PRKDC: variants seen among roughly 807,000 people sequenced by gnomAD.
PRKDC encodes the protein DNA-dependent protein kinase catalytic subunit.
Under a neutral mutation model 486.9 loss-of-function variants are expected in PRKDC, and 82 were observed. The observed-to-expected ratio is 0.17, with a 90% CI of 0.14 to 0.20. The LOEUF is 0.20. Ranked by LOEUF, PRKDC falls within the 10% of genes least tolerant of loss-of-function variation. PRKDC has a pLI of 1.00. For missense variants in PRKDC, 4,504 were observed against 5,038.2 expected, an observed-to-expected ratio of 0.89 and a Z score of 3.21; for synonymous variants, 1,895 against 1,837.0, an observed-to-expected ratio of 1.03 and a Z score of -0.81.
intron 35 of PRKDC, among the ~76,000 whole-genome samples, chr8:47,886,790 C>T (rs2089343141): frequency 9.2e-5 from 14 of 152,070 alleles, no homozygotes; most frequent in Admixed American, 9.2e-4. Context: ...TGGGCTCAAG[C>T]GATCTTCCCA....
At chr8:47,933,218 T>C (rs1003775200) in intron 15 of PRKDC, 46 bp from the exon 16 acceptor site, 1 of 1,387,908 alleles carries the variant, frequency 7.2e-7, no homozygotes, top group Non-Finnish European at 9.6e-7. Flanking sequence ...TGTGCAAAAA[T>C]GTATTAGTAT....
Position 47,779,345 on chromosome 8 carries a change from C to T in PRKDC, c.11490-252G>A, listed in dbSNP as rs41390145. 1,807 of 351,802 alleles carry T rather than the reference C, an allele frequency of 5.1e-3. 33 individuals carry two copies. The highest frequency in any genetic ancestry group is 0.034 in the African/African-American group (1,606 of 46,856). The allele number at this position is 351,802 out of a possible 1,614,324, so 21.8% of individuals were successfully genotyped here. ...CCTATGAAAAATTCAGGTACAAAACCATCAGATCCAACAAATTTCCCACTG... is the reference window on the plus strand; with the variant it reads ...CCTATGAAAAATTCAGGTACAAAACTATCAGATCCAACAAATTTCCCACTG... On this transcript the variant is annotated intron_variant, in intron 80 of 85. Transcript: ENST00000314191.
At position 47,897,148 on chromosome 8, in the gene PRKDC, C is replaced by G. The variant is rs762739383; in HGVS notation, c.3598+13G>C. On this transcript the variant is annotated intron_variant, in intron 30 of 85. Coordinates refer to ENST00000314191, the MANE Select transcript of PRKDC (RefSeq NM_006904.7). ...GCACCGTGGTGAAATTAAAGATATACAGATTACCATACCTGGCAATAAAGG... is the reference window on the plus strand; with the variant it reads ...GCACCGTGGTGAAATTAAAGATATAGAGATTACCATACCTGGCAATAAAGG... 2 of 1,578,176 alleles carry G rather than the reference C, an allele frequency of 1.3e-6. No individual in the cohort carries two copies. Among genetic ancestry groups the G allele is most frequent in the East Asian group, 4.5e-5 (2 of 44,068 alleles).
rs776961357 is a variant in PRKDC at position 47,953,609 on chromosome 8, C to T, written c.721+11G>A. 3.1e-6 allele frequency: 5 copies of T among 1,605,636 alleles called. No individual in the cohort carries two copies. The highest frequency in any genetic ancestry group is 1.7e-5 in the Admixed American group (1 of 59,198). On this transcript the variant is annotated intron_variant, in intron 7 of 85. Transcript: ENST00000314191. ...TTTGAATAAAGAAAATCAAGTGAAG[C>T]CAAGCAATACCTTCTTCCATGGACT...
intron 24 of PRKDC, among the ~76,000 whole-genome samples, chr8:47,913,669 A>C (rs1409213906): frequency 6.6e-6 from 1 of 152,228 alleles, no homozygotes; most frequent in Non-Finnish European, 1.5e-5. Context: ...CTGGGATTAC[A>C]GGCATGAGCC....
rs2089504205 is a variant in PRKDC at position 47,893,285 on chromosome 8, C to A, written c.3701G>T (p.Gly1234Val). The A allele has an allele frequency of 5.0e-6, 8 of 1,610,482 alleles. No individual in the cohort carries two copies. Among genetic ancestry groups the A allele is most frequent in the Non-Finnish European group, 6.8e-6 (8 of 1,177,794 alleles). ...FEGGGCGQPS[G>V]ILAQPTLLYL... Reference sequence around the variant, plus strand: ...CAAGAGGGTGGGCTGGGCCAGGATGCCCGAGGGCTGGCCACAGCCACCCCC... The same window carrying A: ...CAAGAGGGTGGGCTGGGCCAGGATGACCGAGGGCTGGCCACAGCCACCCCC... The change falls in exon 31 of 86, where the codon GGC (glycine) becomes GTC (valine). Residue 1234 changes from glycine to valine, a missense_variant. Physicochemically the swap from Gly to Val is moderately radical, Grantham distance 109. Coordinates refer to ENST00000314191, the MANE Select transcript of PRKDC (RefSeq NM_006904.7).
chr8:47,879,782 A>G (rs978239059), intron 38 of PRKDC, 124 bp from the exon 39 acceptor site: 4 of 726,016 alleles, frequency 5.5e-6, no homozygotes, highest in Non-Finnish European at 8.0e-6. Context: ...TGGCTTCACC[A>G]TAATTTCTAA....
chr8:47,849,020 T>C, intron 54 of PRKDC, 134 bp downstream of exon 54: 21 of 1,206,312 alleles, frequency 1.7e-5, no homozygotes, highest in Non-Finnish European at 2.3e-5. Context: ...GCCTTCACCT[T>C]TTCTTCAGAG....
intron 27 of PRKDC, among the ~76,000 whole-genome samples, chr8:47,902,001 A>G (rs1362653429): frequency 6.6e-6 from 1 of 152,142 alleles, no homozygotes; most frequent in Non-Finnish European, 1.5e-5. Context: ...GAGGAAATCT[A>G]AATGCATCTC....
Position 47,782,563 on chromosome 8 carries a change from G to A in PRKDC, c.11211C>T (p.Arg3737=). 1.9e-6 allele frequency: 3 copies of A among 1,569,904 alleles called. No individual in the cohort carries two copies. The highest frequency in any genetic ancestry group is 2.6e-6 in the Non-Finnish European group (3 of 1,157,522). ...TCTCGTCATGGCCACGGATGATGATGCGCTTGGGCCTTCGCAGAGACGCCA... is the reference window on the plus strand; with the variant it reads ...TCTCGTCATGGCCACGGATGATGATACGCTTGGGCCTTCGCAGAGACGCCA... ...TVMASLRRPK[R]IIIRGHDERE... The change falls in exon 79 of 86, where the codon CGC becomes CGT. Residue 3737 remains arginine, a synonymous_variant. Coordinates refer to ENST00000314191, the MANE Select transcript of PRKDC (RefSeq NM_006904.7). This position sits in a 1 kb window ranked among gnomAD's most constrained non-coding sequence, Gnocchi z 4.9.
chr8:47,836,482 T>G lies in PRKDC; in HGVS notation c.7807A>C (p.Thr2603Pro). The G allele has an allele frequency of 3.7e-6, 6 of 1,610,430 alleles. No individual in the cohort carries two copies. The highest frequency in any genetic ancestry group is 3.4e-6 in the Non-Finnish European group (4 of 1,178,342). ...GCCTGGGTCTCCACAAACATCGGAG[T>G]GAGAACAGTACTTCGGAAACGCCAA... ...SDWRFRSTVLTPMFVETQASQ... is the reference protein window; with the variant it reads ...SDWRFRSTVLPPMFVETQASQ... Residue 2603 changes from threonine (T) to proline (P), a missense_variant, in exon 58 of 86, where the codon ACT becomes CCT. Thr to Pro is a conservative substitution (Grantham distance 38). Coordinates refer to ENST00000314191, the MANE Select transcript of PRKDC (RefSeq NM_006904.7).
intron 4 of PRKDC, among the ~76,000 whole-genome samples, chr8:47,955,086 A>T (rs1482692407): frequency 6.6e-6 from 1 of 151,964 alleles, no homozygotes; most frequent in Non-Finnish European, 1.5e-5. Context: ...CCTGGGAGAC[A>T]GAAGTTGCAG....
At chr8:47,799,678 G>A (rs1254789088) in intron 71 of PRKDC, among the ~76,000 whole-genome samples, 6 of 152,140 alleles carry the variant, frequency 3.9e-5, no homozygotes, top group African/African-American at 9.7e-5. Context: ...GTGGCTGTCG[G>A]GAATATAAGA....
At chr8:47,889,566 G>A (rs893848551) in intron 32 of PRKDC, among the ~76,000 whole-genome samples, 1 of 152,224 alleles carries the variant, frequency 6.6e-6, no homozygotes, top group Non-Finnish European at 1.5e-5. Context: ...CCCAGGGCCT[G>A]GCGTGCCACA....
intron 7 of PRKDC, among the ~76,000 whole-genome samples, chr8:47,947,735 C>T (rs893589895): frequency 2.6e-5 from 4 of 152,094 alleles, no homozygotes; most frequent in Non-Finnish European, 1.5e-5. Context: ...TGGTGAAACC[C>T]CGTCTCTACT....
At chr8:47,819,559 AAATC>A (rs1456531670) in intron 66 of PRKDC, 49 bp from the exon 67 acceptor site, 2 of 1,027,516 alleles carry the variant, frequency 1.9e-6, no homozygotes, top group African/African-American at 3.4e-5. Context: ...GCCATGTTAT[AAATC>A]AATCAAGCTG....
At chr8:47,851,978 T>C (rs1369291278) in intron 52 of PRKDC, among the ~76,000 whole-genome samples, 2 of 152,122 alleles carry the variant, frequency 1.3e-5, no homozygotes, top group African/African-American at 4.8e-5. Context: ...TAGCCAAGCA[T>C]GGTGGCATAT....
rs1387860580 is a variant in PRKDC, at chr8:47,939,646, A to T, written c.1018T>A (p.Tyr340Asn). The change falls in exon 11 of 86, where the codon TAC (tyrosine) becomes AAC (asparagine). Residue 340 changes from tyrosine (Y) to asparagine (N), a missense_variant. Tyr to Asn is a moderately radical substitution (Grantham distance 143). This residue lies in a region of PRKDC where 1,969 missense variants were observed against 2,068.9 expected (regional missense o/e 0.95). Coordinates refer to ENST00000314191, the MANE Select transcript of PRKDC (RefSeq NM_006904.7). ...ATTCCATAAAACTGCTCCATAAAGTACTGCAGTTTATTTTTATGCATTTCT... is the reference window on the plus strand; with the variant it reads ...ATTCCATAAAACTGCTCCATAAAGTTCTGCAGTTTATTTTTATGCATTTCT... ...NAEMHKNKLQYFMEQFYGIIR... is the reference protein window; with the variant it reads ...NAEMHKNKLQNFMEQFYGIIR... 4 of 1,607,978 alleles carry T rather than the reference A, an allele frequency of 2.5e-6. No individual in the cohort carries two copies. The highest frequency in any genetic ancestry group is 2.6e-6 in the Non-Finnish European group (3 of 1,175,464).
chr8:47,836,639 G>C, intron 57 of PRKDC, 112 bp from the exon 58 acceptor site: 2 of 979,706 alleles, frequency 2.0e-6, no homozygotes, highest in Non-Finnish European at 1.5e-6. Flanking sequence ...CAGCATATTT[G>C]TACCATAACT....
Sources: allele counts gnomAD v4.1 joint callset (sites outside exome capture counted in the v4.1 genomes callset), GRCh38; gene constraint gnomAD v4.1.1; regional missense constraint gnomAD v4.1.1; non-coding constraint Gnocchi (gnomAD v3.1); transcripts MANE v1.5; gene names NCBI Gene and HGNC (gene_info 2026-07-23, HGNC 2026-07-21).